The following CERKL variants were observed in gnomAD, a reference collection of about 807,000 sequenced individuals.
CERKL encodes ceramide kinase-like protein.
Under a neutral mutation model 63.4 loss-of-function variants are expected in CERKL, and 61 were observed. That is an observed-to-expected ratio of 0.96 (90% CI 0.78 to 1.19). The LOEUF is 1.19. Ranked by LOEUF, CERKL falls within the 50% of genes most tolerant of loss-of-function variation. The probability of loss-of-function intolerance (pLI) is 0.00; values close to 1 mark genes in which losing one functional copy is unlikely to be tolerated. For synonymous variants in CERKL, 250 were observed against 230.5 expected (o/e 1.08, Z -0.77); for missense variants, 675 against 655.5 (o/e 1.03, Z -0.33).
intron 5 of CERKL, among the ~76,000 whole-genome samples, chr2:181,554,746 C>T (rs1191183556): frequency 2.0e-5 from 3 of 152,114 alleles, no homozygotes; most frequent in Non-Finnish European, 4.4e-5. Flanking sequence ...AACACTCTCC[C>T]TCTGGGTGTC....
chr2:181,540,081 A>C (rs1400585552), intron 11 of CERKL, among the ~76,000 whole-genome samples: 1 of 152,170 alleles, frequency 6.6e-6, no homozygotes, highest in Non-Finnish European at 1.5e-5. Flanking sequence ...AGTTGACAGA[A>C]AACTAATATT....
At chr2:181,564,085 C>T (rs79363547) in intron 4 of CERKL, among the ~76,000 whole-genome samples, 1 of 152,038 alleles carries the variant, frequency 6.6e-6, no homozygotes, top group Non-Finnish European at 1.5e-5. Context: ...CTCGCATGAC[C>T]AGTTATATCC....
intron 1 of CERKL, among the ~76,000 whole-genome samples, chr2:181,608,814 A>G (rs568586084): frequency 1.3e-5 from 2 of 152,364 alleles, no homozygotes; most frequent in South Asian, 4.1e-4. Context: ...ATGTTATCAT[A>G]ATTTTTTTTG....
chr2:181,606,178 G>A (rs1685670274), intron 1 of CERKL, among the ~76,000 whole-genome samples: 1 of 143,854 alleles, frequency 7.0e-6, no homozygotes, highest in Admixed American at 7.1e-5. Context: ...AAGACAGGAA[G>A]GAAAGAAGAA....
At chr2:181,584,720 C>T (rs1197575229) in intron 2 of CERKL, among the ~76,000 whole-genome samples, 2 of 151,646 alleles carry the variant, frequency 1.3e-5, no homozygotes, top group African/African-American at 4.8e-5. Flanking sequence ...ATTCCATCCA[C>T]TCATATATAC....
intron 11 of CERKL, among the ~76,000 whole-genome samples, chr2:181,540,432 T>C (rs1289506786): frequency 6.6e-6 from 1 of 152,184 alleles, no homozygotes; most frequent in Non-Finnish European, 1.5e-5. Context: ...CCCTGGTACC[T>C]GTGAATGTCC....
intron 9 of CERKL, 24 bp downstream of exon 9, chr2:181,547,798 T>TC: frequency 6.2e-7 from 1 of 1,614,054 alleles, no homozygotes; most frequent in Non-Finnish European, 8.5e-7. Flanking sequence ...GGCACAGTTC[T>TC]CAAGGAGATA....
chr2:181,654,189 T>A (rs1467255070), intron 1 of CERKL, among the ~76,000 whole-genome samples: 1 of 149,668 alleles, frequency 6.7e-6, no homozygotes, highest in Non-Finnish European at 1.5e-5. Flanking sequence ...CAAAAAGCGC[T>A]GATACTTTGT....
chr2:181,590,433 C>A (rs964237973), intron 2 of CERKL, among the ~76,000 whole-genome samples: 1 of 151,932 alleles, frequency 6.6e-6, no homozygotes, highest in Non-Finnish European at 1.5e-5. Flanking sequence ...AGCCACTGCA[C>A]CTGGGCCCAT....
intron 10 of CERKL, among the ~76,000 whole-genome samples, chr2:181,545,975 T>C (rs1387927466): frequency 6.6e-6 from 1 of 152,126 alleles, no homozygotes; most frequent in Non-Finnish European, 1.5e-5. Flanking sequence ...ACTGAGATAT[T>C]CTAACATAAA....
chr2:181,578,657 TAGAC>T (rs1383282077), intron 2 of CERKL, among the ~76,000 whole-genome samples: 4 of 152,056 alleles, frequency 2.6e-5, no homozygotes, highest in Middle Eastern at 3.4e-3. Context: ...GCTTTTCACA[TAGAC>T]AGCAGCTTCC....
chr2:181,643,977 A>AT (rs1401989901), intron 1 of CERKL, among the ~76,000 whole-genome samples: 2 of 152,232 alleles, frequency 1.3e-5, no homozygotes, highest in African/African-American at 4.8e-5. Context: ...TGTTAAACAG[A>AT]TGTCCCAAAA....
chr2:181,603,134 G>C (rs1685526791), intron 2 of CERKL: 1 of 269,236 alleles, frequency 3.7e-6, no homozygotes, highest in South Asian at 3.6e-5. Flanking sequence ...CTGTGAAATA[G>C]GTAATTCTCA....
rs1273632305 is a variant in CERKL at position 181,641,334 on chromosome 2, TATATATATATACATATATATAC to T, written c.238+15413_238+15434del. On this transcript the variant is annotated intron_variant, in intron 1 of 12. Coordinates refer to ENST00000410087, the MANE Select transcript of CERKL (RefSeq NM_201548.5). ...ATATATATATATATATATATATATA[TATATATATATACATATATATAC>T]ACATATTTTTTTCCCTGAGATGGGG... 2.8e-3 allele frequency among the ~76,000 whole-genome samples: 31 copies of T among 10,958 alleles called. 1 individual carries two copies. The highest frequency in any genetic ancestry group is 0.023 in the Middle Eastern group (1 of 44). The allele number at this position is 10,958 out of a possible 152,430, so 7.2% of individuals were successfully genotyped here.
rs138009143 is a variant in CERKL at position 181,621,756 on chromosome 2, T to C, written c.239-17677A>G. Among the ~76,000 whole-genome samples the C allele has an allele frequency of 8.5e-5, 13 of 152,304 alleles. No homozygotes were observed. In the East Asian group the frequency reaches 2.3e-3, roughly 27 times the overall value. On this transcript the variant is annotated intron_variant, in intron 1 of 12. Transcript: ENST00000410087. Reference sequence around the variant, plus strand: ...ATTTTATATACTTAGGTACATTATGTAGCATGTAATCAATGTAAAATAGCT... The same window carrying C: ...ATTTTATATACTTAGGTACATTATGCAGCATGTAATCAATGTAAAATAGCT...
rs202011627 is a variant in CERKL at position 181,537,547 on chromosome 2, A to G, written c.*637T>C. 6.5e-5 allele frequency: 29 copies of G among 443,244 alleles called. No homozygotes were observed. The highest frequency in any genetic ancestry group is 8.6e-5 in the Non-Finnish European group (19 of 221,026). The allele number at this position is 443,244 out of a possible 1,614,324, so 27.5% of individuals were successfully genotyped here. Reference sequence around the variant, plus strand: ...TTTTGAAATTTAACTGCTCTGGATTAGGGAGCAGTGAATCAAGGCAGACTT... The same window carrying G: ...TTTTGAAATTTAACTGCTCTGGATTGGGGAGCAGTGAATCAAGGCAGACTT... On this transcript the variant is annotated 3_prime_UTR_variant, in exon 13 of 13. Coordinates refer to ENST00000410087, the MANE Select transcript of CERKL (RefSeq NM_201548.5).
At chr2:181,551,966 A>T (rs920393009) in intron 5 of CERKL, among the ~76,000 whole-genome samples, 1 of 152,150 alleles carries the variant, frequency 6.6e-6, no homozygotes, top group Admixed American at 6.5e-5. Context: ...GTTTATATAC[A>T]CAATGGAATA....
intron 1 of CERKL, among the ~76,000 whole-genome samples, chr2:181,626,868 G>A (rs1686727677): frequency 6.6e-6 from 1 of 152,214 alleles, no homozygotes; most frequent in African/African-American, 2.4e-5. Context: ...TCTCCAGCCA[G>A]CACTAGGTCC....
intron 11 of CERKL, 35 bp from the exon 12 acceptor site, chr2:181,539,299 TTATCTC>T (rs755535965): frequency 1.4e-6 from 2 of 1,386,588 alleles, no homozygotes; most frequent in Non-Finnish European, 2.0e-6. Flanking sequence ...TATACTTGGT[TTATCTC>T]TAGCTACTAA....
Sources: gnomAD v4.1 joint callset for allele counts (sites outside exome capture counted in the v4.1 genomes callset) on GRCh38, gnomAD v4.1.1 for gene constraint, MANE v1.5 for transcripts, NCBI Gene and HGNC (gene_info 2026-07-23, HGNC 2026-07-21) for gene names.